Variants in METAP1 observed in about 807,000 individuals in gnomAD.
METAP1 encodes methionyl aminopeptidase 1.
A neutral mutation model predicts 53.8 loss-of-function variants in METAP1; 28 were observed. The ratio of observed to expected loss-of-function variants is 0.52; its 90% CI spans 0.39 to 0.71. The LOEUF (loss-of-function observed/expected upper bound fraction) is 0.71. METAP1 is among the 30% of genes least tolerant of loss of function. The pLI, the probability that METAP1 is intolerant of heterozygous loss-of-function variation, is 0.00. For missense variants in METAP1, 389 were observed against 479.8 expected (o/e 0.81, Z 1.77); for synonymous variants, 181 against 165.7 (o/e 1.09, Z -0.71).
intron 9 of METAP1, among the ~76,000 whole-genome samples, chr4:99,049,940 T>A (rs1457849378): frequency 1.3e-5 from 2 of 152,230 alleles, no homozygotes; most frequent in Non-Finnish European, 2.9e-5. Context: ...GCCCAATTTT[T>A]TTAAAGCAAC....
Position 99,060,349 on chromosome 4 carries a change from T to G in METAP1, c.998-805T>G, listed in dbSNP as rs1579348981. Among the ~76,000 whole-genome samples the G allele has an allele frequency of 3.3e-5, 5 of 150,314 alleles. 1 individual carries two copies. The highest frequency in any genetic ancestry group is 1.2e-4 in the African/African-American group (5 of 41,098). On this transcript the variant is annotated intron_variant, in intron 10 of 10. Transcript: ENST00000296411. ...ACTCTACCTCATAGAAGTGGAATCA[T>G]TAAGCACATGCTTTTTTTTTTTTTT... is the stretch of plus-strand genomic sequence containing the variant.
At chr4:99,037,415 A>G (rs1452916367) in intron 4 of METAP1, among the ~76,000 whole-genome samples, 2 of 151,958 alleles carry the variant, frequency 1.3e-5, no homozygotes, top group Admixed American at 6.6e-5. Context: ...GTTTTCTTCT[A>G]GCATTTTTAT....
chr4:99,051,105 G>C (rs1420645406), intron 9 of METAP1, among the ~76,000 whole-genome samples: 1 of 152,170 alleles, frequency 6.6e-6, no homozygotes, highest in Admixed American at 6.5e-5. Flanking sequence ...TAGTTACAGT[G>C]GGGTGTGTGT....
Position 99,023,051 on chromosome 4 carries a change from C to G in METAP1, c.115-5816C>G, listed in dbSNP as rs28419466. The G allele has an allele frequency of 2.8e-3, 3,867 of 1,381,258 alleles. 76 individuals carry two copies. In the African/African-American group the frequency reaches 0.046, roughly 16 times the overall value. The allele number at this position is 1,381,258 out of a possible 1,614,324, so 85.6% of individuals were successfully genotyped here. Reference sequence around the variant, plus strand: ...GCTGCTGCTTTGGATTCCTCCTGCTCCTCCTCCACATCTAGTGTCTGGTCT... The same window carrying G: ...GCTGCTGCTTTGGATTCCTCCTGCTGCTCCTCCACATCTAGTGTCTGGTCT... On this transcript the variant is annotated intron_variant, in intron 1 of 10. Transcript: ENST00000296411.
intron 2 of METAP1, chr4:99,031,468 C>T (rs559567488): frequency 7.8e-7 from 1 of 1,284,734 alleles, no homozygotes; most frequent in South Asian, 1.2e-5. Flanking sequence ...TTCCACTCCC[C>T]TACCCATTCA....
At chr4:99,029,033 C>G in intron 2 of METAP1, 115 bp downstream of exon 2, 1 of 648,042 alleles carries the variant, frequency 1.5e-6, no homozygotes, top group African/African-American at 1.9e-5. Context: ...AAGTATAATC[C>G]TGAATACTAG....
At chr4:99,014,772 C>G (rs1009199794) in intron 1 of METAP1, among the ~76,000 whole-genome samples, 1 of 152,156 alleles carries the variant, frequency 6.6e-6, no homozygotes, top group Non-Finnish European at 1.5e-5. Flanking sequence ...GTAAGTGCCC[C>G]CCGACATTAC....
chr4:99,061,274 G>A lies in METAP1; in HGVS notation c.1118G>A (p.Arg373Gln), dbSNP rs746975345. 1.5e-5 allele frequency: 24 copies of A among 1,613,746 alleles called. No homozygotes were observed. The highest frequency in any genetic ancestry group is 2.2e-5 in the East Asian group (1 of 44,866). ...VTDTGCEILT[R>Q]RLDSARPHFM... ...GACACTGGCTGTGAAATCCTAACCCGGCGACTTGACAGTGCACGGCCTCAC... is the reference window on the plus strand; with the variant it reads ...GACACTGGCTGTGAAATCCTAACCCAGCGACTTGACAGTGCACGGCCTCAC... Residue 373 changes from arginine (R) to glutamine (Q), a missense_variant, in exon 11 of 11, where the codon CGG becomes CAG. Physicochemically the swap from Arg to Gln is conservative, Grantham distance 43 (BLOSUM62 1). Transcript: ENST00000296411.
At chr4:99,037,738 T>G (rs2110355999) in intron 4 of METAP1, 1 of 152,090 alleles carries the variant, frequency 6.6e-6, no homozygotes, top group South Asian at 2.1e-4. Flanking sequence ...TTGGTAGGCC[T>G]TGTTGCCCCT....
intron 9 of METAP1, among the ~76,000 whole-genome samples, chr4:99,049,961 C>T (rs1726577116): frequency 6.6e-6 from 1 of 152,158 alleles, no homozygotes; most frequent in Admixed American, 6.5e-5. Flanking sequence ...TCTGTGCTTA[C>T]AGAGGTAATT....
chr4:99,048,633 G>A (rs574299745), intron 8 of METAP1, 100 bp from the exon 9 acceptor site: 289 of 1,294,138 alleles, frequency 2.2e-4, no homozygotes, highest in Non-Finnish European at 3.0e-4. Context: ...ACCTCTCAAA[G>A]TGCTGGGATT....
chr4:99,061,050 A>G lies in METAP1; in HGVS notation c.998-104A>G, dbSNP rs924166839. 3.4e-6 allele frequency: 4 copies of G among 1,189,114 alleles called. No individual in the cohort carries two copies. In the Admixed American group the frequency reaches 1.0e-4, roughly 30 times the overall value. The allele number at this position is 1,189,114 out of a possible 1,614,324, so 73.7% of individuals were successfully genotyped here. ...AAAGGCATTAGCTAAAACAATTGGC[A>G]TGTAAATAAGGATCTTAGTAGTGAA... On this transcript the variant is annotated intron_variant, in intron 10 of 10. Coordinates refer to ENST00000296411, the MANE Select transcript of METAP1 (RefSeq NM_015143.3).
At chr4:99,031,374 G>T (rs1725009321) in intron 2 of METAP1, 8 of 1,101,424 alleles carry the variant, frequency 7.3e-6, no homozygotes, top group Admixed American at 5.5e-5. Context: ...AGTAAAGGTG[G>T]AATAATTTGA....
At chr4:99,053,975 G>A (rs1230530541) in intron 9 of METAP1, among the ~76,000 whole-genome samples, 2 of 147,804 alleles carry the variant, frequency 1.4e-5, no homozygotes, top group Non-Finnish European at 2.9e-5. Context: ...AGGCTTTGTT[G>A]TTCTGTTTCT....
intron 1 of METAP1, among the ~76,000 whole-genome samples, chr4:99,027,556 C>G (rs1388740218): frequency 6.7e-6 from 1 of 149,158 alleles, no homozygotes; most frequent in Non-Finnish European, 1.5e-5. Context: ...CCCCCCCCCG[C>G]CTTTGTCATA....
intron 1 of METAP1, among the ~76,000 whole-genome samples, chr4:98,997,624 G>A (rs1322275812): frequency 6.6e-6 from 1 of 152,214 alleles, no homozygotes; most frequent in Non-Finnish European, 1.5e-5. Context: ...TTTTAAAAAG[G>A]TAGTGTGAAA....
intron 6 of METAP1, among the ~76,000 whole-genome samples, chr4:99,041,534 T>C (rs1725866621): frequency 6.6e-6 from 1 of 152,034 alleles, no homozygotes; most frequent in African/African-American, 2.4e-5. Flanking sequence ...TCCACATAAA[T>C]ATTTGTAGTA....
intron 4 of METAP1, 194 bp from the exon 5 acceptor site, chr4:99,039,180 G>T (rs928244810): frequency 9.5e-6 from 4 of 420,990 alleles, no homozygotes; most frequent in Non-Finnish European, 1.7e-5. Flanking sequence ...TTTTTCTTCA[G>T]TTGGTTTAGC....
chr4:99,020,014 G>A (rs1298270338), intron 1 of METAP1, among the ~76,000 whole-genome samples: 1 of 152,048 alleles, frequency 6.6e-6, no homozygotes, highest in African/African-American at 2.4e-5. Context: ...ATATTCTTCT[G>A]GTGAGCAGCA....
Sources: gnomAD v4.1 joint callset for allele counts (sites outside exome capture counted in the v4.1 genomes callset) on GRCh38, gnomAD v4.1.1 for gene constraint, MANE v1.5 for transcripts, NCBI Gene and HGNC (gene_info 2026-07-23, HGNC 2026-07-21) for gene names.